Variants in COX10 observed in about 807,000 individuals in gnomAD.
COX10 encodes cytochrome c oxidase assembly factor heme A:farnesyltransferase COX10.
In COX10, 27 loss-of-function variants were observed where a neutral mutation model predicts 37.3. That is an observed-to-expected ratio of 0.72 (90% CI 0.53 to 1.00). COX10 has a LOEUF of 1.00. Among genes scored for constraint, COX10 ranks in the 50% least tolerant of loss-of-function variants. The pLI is 0.00. For synonymous variants in COX10, 222 were observed against 229.1 expected, an observed-to-expected ratio of 0.97 and a Z score of 0.28; for missense variants, 475 against 563.2, an observed-to-expected ratio of 0.84 and a Z score of 1.59.
chr17:14,116,654 TACACACACACAC>T (rs71352451), intron 4 of COX10, among the ~76,000 whole-genome samples: 1 of 150,406 alleles, frequency 6.6e-6, no homozygotes, highest in Admixed American at 6.7e-5. Context: ...TGCATGCATG[TACACACACACAC>T]ACACACACAC....
chr17:14,153,930 G>C (rs1257786602), intron 4 of COX10, among the ~76,000 whole-genome samples: 3 of 152,100 alleles, frequency 2.0e-5, no homozygotes, highest in Admixed American at 1.3e-4. Flanking sequence ...CCATATAATT[G>C]AATATTACTC....
chr17:14,140,357 T>C (rs975074064), intron 4 of COX10, among the ~76,000 whole-genome samples: 34 of 152,166 alleles, frequency 2.2e-4, no homozygotes, highest in Non-Finnish European at 4.4e-5. Flanking sequence ...TTAGTTAACA[T>C]TTTTAATGAC....
At chr17:14,152,046 G>A (rs760040874) in intron 4 of COX10, among the ~76,000 whole-genome samples, 3 of 152,166 alleles carry the variant, frequency 2.0e-5, no homozygotes, top group Non-Finnish European at 4.4e-5. Context: ...TAGATTGTTA[G>A]ATAACATGAA....
chr17:14,151,448 T>A (rs1411010240), intron 4 of COX10, among the ~76,000 whole-genome samples: 2 of 152,116 alleles, frequency 1.3e-5, no homozygotes, highest in Non-Finnish European at 2.9e-5. Flanking sequence ...TATTCTTCCA[T>A]GGATGATGTG....
In COX10 at chr17:14,076,771, G is replaced by A; in HGVS notation, c.214G>A (p.Val72Ile). Residue 72 changes from valine (V) to isoleucine (I), a missense_variant, in exon 3 of 7, where the codon GTA (valine) becomes ATA (isoleucine). Physicochemically the swap from Val to Ile is conservative, Grantham distance 29. Around this residue, in one of 5 missense-constraint regions of COX10, gnomAD observed 242 missense variants for 242.5 expected, o/e 1.00. Transcript: ENST00000261643. The stretch of plus-strand genomic sequence containing the variant: ...GCTGAACAGAAGCCACAACCAGCAA[G>A]TAAGACCCAAGCCAGAACCAGTAGC... ...TQLNRSHNQQVRPKPEPVASP... is the reference protein window; with the variant it reads ...TQLNRSHNQQIRPKPEPVASP... The A allele has an allele frequency of 6.2e-7, 1 of 1,614,180 alleles. No homozygotes were observed. Among genetic ancestry groups the A allele is most frequent in the Non-Finnish European group, 8.5e-7 (1 of 1,180,026 alleles).
chr17:14,076,155 G>A (rs1331299588), intron 2 of COX10, among the ~76,000 whole-genome samples: 5 of 118,324 alleles, frequency 4.2e-5, no homozygotes, highest in African/African-American at 6.8e-5. Flanking sequence ...TCACTGTGTC[G>A]TTCAGGCTGG....
At chr17:14,156,521 C>T (rs1327362647) in intron 4 of COX10, among the ~76,000 whole-genome samples, 2 of 152,184 alleles carry the variant, frequency 1.3e-5, no homozygotes, top group African/African-American at 4.8e-5. Context: ...AGCCACCGTG[C>T]CCGGCCTAAA....
chr17:14,160,657 C>G (rs1453387320), intron 5 of COX10, among the ~76,000 whole-genome samples: 1 of 152,078 alleles, frequency 6.6e-6, no homozygotes, highest in Non-Finnish European at 1.5e-5. Flanking sequence ...CAAATGATCA[C>G]ACATATTTAA....
chr17:14,202,541 G>A (rs1394567698), intron 6 of COX10, among the ~76,000 whole-genome samples: 1 of 152,042 alleles, frequency 6.6e-6, no homozygotes, highest in Non-Finnish European at 1.5e-5. Flanking sequence ...CTATAGGCGG[G>A]GTTGTTGTAA....
In COX10 at chr17:14,207,355, T is replaced by G. The variant is rs1906742831; in HGVS notation, c.*142T>G. The G allele has an allele frequency of 2.6e-6, 3 of 1,139,752 alleles. No homozygotes were observed. Among genetic ancestry groups the G allele is most frequent in the Non-Finnish European group, 3.6e-6 (3 of 844,294 alleles). The allele number at this position is 1,139,752 out of a possible 1,614,324, so 70.6% of individuals were successfully genotyped here. A position where few individuals can be genotyped will look rare whatever the true frequency, so the allele number is the denominator to read the frequency against. ...GTGCTCAGTGATCACTTGACAGTTT[T>G]TTTTTTTTTTAAATATTACCCAAAA... On this transcript the variant is annotated 3_prime_UTR_variant, in exon 7 of 7. Coordinates refer to ENST00000261643, the MANE Select transcript of COX10 (RefSeq NM_001303.4).
At chr17:14,110,005 A>G (rs954456678) in intron 4 of COX10, among the ~76,000 whole-genome samples, 2 of 151,924 alleles carry the variant, frequency 1.3e-5, no homozygotes, top group Non-Finnish European at 2.9e-5. Flanking sequence ...GGGATTTCAG[A>G]AAAAAAAGAA....
chr17:14,165,038 G>A (rs1905249496), intron 5 of COX10, among the ~76,000 whole-genome samples: 1 of 152,176 alleles, frequency 6.6e-6, no homozygotes, highest in Admixed American at 6.5e-5. Flanking sequence ...TTAACTACAT[G>A]TCACCCCGTA....
At position 14,191,997 on chromosome 17, in the gene COX10, T is replaced by C. The variant is rs1237816103; in HGVS notation, c.704T>C (p.Leu235Pro). The C allele has an allele frequency of 3.7e-6, 6 of 1,614,050 alleles. No homozygotes were observed. The highest frequency in any genetic ancestry group is 3.3e-5 in the Admixed American group (2 of 59,996). Residue 235 changes from leucine to proline, a missense_variant, in exon 6 of 7, where the codon CTA becomes CCA. Physicochemically the swap from Leu to Pro is moderately conservative, Grantham distance 98 (BLOSUM62 -3). Transcript: ENST00000261643. Reference protein sequence around the residue: ...PLVRGQISPLLAVSFATCCAV... With the variant: ...PLVRGQISPLPAVSFATCCAV... The stretch of plus-strand genomic sequence containing the variant: ...CTCTGCTCTTTTTCCAGCCCATTGC[T>C]AGCTGTGTCCTTTGCCACTTGTTGT...
chr17:14,146,098 T>C (rs1471072030), intron 4 of COX10, among the ~76,000 whole-genome samples: 2 of 152,010 alleles, frequency 1.3e-5, no homozygotes, highest in African/African-American at 4.8e-5. Flanking sequence ...ACATTCTTCA[T>C]AGAAATGGAA....
chr17:14,113,078 C>T (rs1411503593), intron 4 of COX10, among the ~76,000 whole-genome samples: 1 of 152,130 alleles, frequency 6.6e-6, no homozygotes, highest in Non-Finnish European at 1.5e-5. Context: ...CTTCTCAAGA[C>T]CCATCTCCTT....
Position 14,102,099 on chromosome 17 carries a change from C to T in COX10, c.500-19C>T, listed in dbSNP as rs373736131. On this transcript the variant is annotated intron_variant, in intron 3 of 6. Coordinates refer to ENST00000261643, the MANE Select transcript of COX10 (RefSeq NM_001303.4). ...ACTCCTGTTGGTAACAGTGTGTCTG[C>T]TCTGTTTCTGTATCGCAGCTCTGGT... 2.1e-5 allele frequency: 34 copies of T among 1,613,336 alleles called. No homozygotes were observed. Among genetic ancestry groups the T allele is most frequent in the Non-Finnish European group, 2.2e-5 (26 of 1,179,550 alleles).
intron 4 of COX10, among the ~76,000 whole-genome samples, chr17:14,151,163 G>A (rs1904881738): frequency 6.6e-6 from 1 of 152,148 alleles, no homozygotes; most frequent in South Asian, 2.1e-4. Flanking sequence ...AATGCTTTAT[G>A]TTTAGGAAAT....
At chr17:14,130,787 C>T (rs1170605542) in intron 4 of COX10, among the ~76,000 whole-genome samples, 2 of 151,968 alleles carry the variant, frequency 1.3e-5, no homozygotes, top group Non-Finnish European at 2.9e-5. Flanking sequence ...TTTGTTTCCT[C>T]CTGATTTTTC....
chr17:14,146,880 G>A (rs1904736253), intron 4 of COX10, among the ~76,000 whole-genome samples: 1 of 152,092 alleles, frequency 6.6e-6, no homozygotes, highest in South Asian at 2.1e-4. Flanking sequence ...ATGGCAGACA[G>A]GCATATGAGA....
Sources: gnomAD v4.1 joint callset for allele counts (sites outside exome capture counted in the v4.1 genomes callset) on GRCh38, gnomAD v4.1.1 for gene constraint, gnomAD v4.1.1 regional missense constraint, MANE v1.5 for transcripts, NCBI Gene and HGNC (gene_info 2026-07-23, HGNC 2026-07-21) for gene names.